The following RSBN1 variants were observed in gnomAD, a reference collection of about 807,000 sequenced individuals.
RSBN1 encodes the protein round spermatid basic protein 1, also known as lysine-specific demethylase 9.
A neutral mutation model predicts 74.8 loss-of-function variants in RSBN1; 23 were observed. That is an observed-to-expected ratio of 0.31 (90% confidence interval 0.22 to 0.44). RSBN1 has a LOEUF of 0.44. RSBN1 is among the 20% of genes least tolerant of loss of function. RSBN1 has a pLI of 1.00. For missense variants in RSBN1, 808 were observed against 1,020.9 expected (o/e 0.79, Z 2.84); for synonymous variants, 407 against 379.6 (o/e 1.07, Z -0.84).
Position 113,797,646 on chromosome 1 carries a change from T to C in RSBN1, c.1094A>G (p.Gln365Arg). The change falls in exon 2 of 7, where the codon CAG becomes CGG. Residue 365 changes from glutamine (Q) to arginine (R), a missense_variant. By Grantham distance (43) the Gln-to-Arg change is conservative. This residue lies in a region of RSBN1 where 85 missense variants were observed against 126.2 expected (regional missense o/e 0.67). Coordinates refer to ENST00000261441, the MANE Select transcript of RSBN1 (RefSeq NM_018364.5). The stretch of plus-strand genomic sequence containing the variant: ...AAGGACAAGAGCACCACCATTGGAC[T>C]GGTGTTCCTCATGAATAAAGTTGCT... Reference protein sequence around the residue: ...KFSNFIHEEHQSNGGALVLHA... With the variant: ...KFSNFIHEEHRSNGGALVLHA... The C allele has an allele frequency of 6.2e-7, 1 of 1,614,094 alleles. No homozygotes were observed. Among genetic ancestry groups the C allele is most frequent in the Non-Finnish European group, 8.5e-7 (1 of 1,180,000 alleles).
At chr1:113,781,111 C>T (rs1660131160) in intron 2 of RSBN1, among the ~76,000 whole-genome samples, 1 of 152,138 alleles carries the variant, frequency 6.6e-6, no homozygotes, top group South Asian at 2.1e-4. Flanking sequence ...TCAAACTATC[C>T]ATCCCACCTC....
chr1:113,774,838 G>A (rs1275899665), intron 4 of RSBN1, among the ~76,000 whole-genome samples: 3 of 152,272 alleles, frequency 2.0e-5, no homozygotes, highest in African/African-American at 4.8e-5. Context: ...CTAGGTGACA[G>A]AGTAAGACCC....
intron 2 of RSBN1, among the ~76,000 whole-genome samples, chr1:113,793,808 C>T (rs1412762695): frequency 6.6e-6 from 1 of 152,014 alleles, no homozygotes; most frequent in Non-Finnish European, 1.5e-5. Context: ...GCTGGGATTA[C>T]AGGCGCCCGC....
At position 113,812,474 on chromosome 1, in the gene RSBN1, A is replaced by C. The variant is rs1317698125; in HGVS notation, c.-62T>G. On this transcript the variant is annotated 5_prime_UTR_variant, in exon 1 of 7. Transcript: ENST00000261441. Reference sequence around the variant, plus strand: ...CTCTCCAACCGAGCTTCTATTGTAAAGCACCCTATGCCGCGCAAAGCGTCA... The same window carrying C: ...CTCTCCAACCGAGCTTCTATTGTAACGCACCCTATGCCGCGCAAAGCGTCA... 6.7e-7 allele frequency: 1 copy of C among 1,484,034 alleles called. No homozygotes were observed. 91.9% of individuals were successfully genotyped at this position (1,484,034 alleles called of 1,614,324 possible). A position where few individuals can be genotyped will look rare whatever the true frequency, so the allele number is the denominator to read the frequency against.
chr1:113,781,809 C>T (rs1660145036), intron 2 of RSBN1, among the ~76,000 whole-genome samples: 1 of 152,196 alleles, frequency 6.6e-6, no homozygotes, highest in Non-Finnish European at 1.5e-5. Context: ...CAAAATCTAT[C>T]CTTCTAACTA....
At chr1:113,777,179 T>C in intron 4 of RSBN1, 31 bp downstream of exon 4, 1 of 1,589,310 alleles carries the variant, frequency 6.3e-7, no homozygotes, top group South Asian at 1.1e-5. Context: ...AAAAAAGTAG[T>C]TTTGCTTATT....
chr1:113,791,858 T>A (rs1660373361), intron 2 of RSBN1, among the ~76,000 whole-genome samples: 1 of 152,214 alleles, frequency 6.6e-6, no homozygotes, highest in Non-Finnish European at 1.5e-5. Context: ...TTTCCCAAGC[T>A]ATATACTACT....
rs982356283 is a variant in RSBN1 at position 113,761,999 on chromosome 1, A to C, written c.*3981T>G. ...GGATTATTCACACAAATTTAGATTT[A>C]AGACTATTCATTAAAAACCTTTTTA... On this transcript the variant is annotated 3_prime_UTR_variant, in exon 7 of 7. Coordinates refer to ENST00000261441, the MANE Select transcript of RSBN1 (RefSeq NM_018364.5). 5 of 152,796 alleles carry C rather than the reference A, an allele frequency of 3.3e-5. No individual in the cohort carries two copies. Among genetic ancestry groups the C allele is most frequent in the African/African-American group, 1.2e-4 (5 of 41,460 alleles). 9.5% of individuals were successfully genotyped at this position (152,796 alleles called of 1,614,324 possible).
chr1:113,781,845 C>A (rs947540428), intron 2 of RSBN1, among the ~76,000 whole-genome samples: 1 of 152,188 alleles, frequency 6.6e-6, no homozygotes, highest in African/African-American at 2.4e-5. Flanking sequence ...TGCCTTAATT[C>A]AGGAAATTAT....
At chr1:113,791,709 A>G (rs964235931) in intron 2 of RSBN1, among the ~76,000 whole-genome samples, 2 of 152,132 alleles carry the variant, frequency 1.3e-5, no homozygotes, top group African/African-American at 4.8e-5. Flanking sequence ...ACTTAAAATA[A>G]GAGGAAAAAA....
rs973578750 is a variant in RSBN1 at position 113,765,433 on chromosome 1, G to C, written c.*547C>G. 1.3e-5 allele frequency: 2 copies of C among 152,728 alleles called. No individual in the cohort carries two copies. The highest frequency in any genetic ancestry group is 4.8e-5 in the African/African-American group (2 of 41,376). The allele number at this position is 152,728 out of a possible 1,614,324, so 9.5% of individuals were successfully genotyped here. On this transcript the variant is annotated 3_prime_UTR_variant, in exon 7 of 7. Coordinates refer to ENST00000261441, the MANE Select transcript of RSBN1 (RefSeq NM_018364.5). The stretch of plus-strand genomic sequence containing the variant: ...CTTTCTCTTTTGTTAAGAAACCAGA[G>C]AGCCACTGAAATTTCCTTGGAAACT...
In RSBN1 at chr1:113,763,168, C is replaced by T. The variant is rs1192367537; in HGVS notation, c.*2812G>A. The T allele has an allele frequency of 6.5e-6, 1 of 152,714 alleles. No homozygotes were observed. The highest frequency in any genetic ancestry group is 1.5e-5 in the Non-Finnish European group (1 of 68,002). 9.5% of individuals were successfully genotyped at this position (152,714 alleles called of 1,614,324 possible). A position where few individuals can be genotyped will look rare whatever the true frequency, so the allele number is the denominator to read the frequency against. On this transcript the variant is annotated 3_prime_UTR_variant, in exon 7 of 7. Coordinates refer to ENST00000261441, the MANE Select transcript of RSBN1 (RefSeq NM_018364.5). ...AATTACTTCTGGGGCAAGAGGAAGA[C>T]TTTTATGCTTTTTAATGAATACCAT... is the stretch of plus-strand genomic sequence containing the variant.
At chr1:113,799,839 A>G (rs1660546532) in intron 1 of RSBN1, among the ~76,000 whole-genome samples, 1 of 152,186 alleles carries the variant, frequency 6.6e-6, no homozygotes, top group East Asian at 1.9e-4. Context: ...AAATATACCT[A>G]GCAGGAAACT....
In RSBN1 at chr1:113,765,725, A is replaced by AT. The variant is rs1310666418; in HGVS notation, c.*254dup. On this transcript the variant is annotated 3_prime_UTR_variant, in exon 7 of 7. Transcript: ENST00000261441. ...CATTTTGATTTGAAGAAGAGATTGAATTGTTACCTCACACCTTAAAACAGA... is the reference window on the plus strand; with the variant it reads ...CATTTTGATTTGAAGAAGAGATTGAATTTGTTACCTCACACCTTAAAACAGA... 4 of 355,416 alleles carry AT rather than the reference A, an allele frequency of 1.1e-5. No homozygotes were observed. The highest frequency in any genetic ancestry group is 2.1e-5 in the African/African-American group (1 of 48,680). The allele number at this position is 355,416 out of a possible 1,614,324, so 22.0% of individuals were successfully genotyped here.
intron 2 of RSBN1, among the ~76,000 whole-genome samples, chr1:113,782,621 C>A (rs1263069021): frequency 6.6e-6 from 1 of 152,154 alleles, no homozygotes; most frequent in Non-Finnish European, 1.5e-5. Flanking sequence ...AAATGCAGAT[C>A]TTCAACATAC....
chr1:113,792,054 C>T (rs1401366428), intron 2 of RSBN1, among the ~76,000 whole-genome samples: 1 of 152,164 alleles, frequency 6.6e-6, no homozygotes, highest in Non-Finnish European at 1.5e-5. Flanking sequence ...AGAACATTAT[C>T]ATTTTATAGA....
At chr1:113,799,002 T>C (rs1390477795) in intron 1 of RSBN1, among the ~76,000 whole-genome samples, 1 of 152,168 alleles carries the variant, frequency 6.6e-6, no homozygotes, top group African/African-American at 2.4e-5. Flanking sequence ...GCACTTATAC[T>C]CTGTGTTATT....
chr1:113,787,550 T>C (rs574542129), intron 2 of RSBN1, among the ~76,000 whole-genome samples: 11 of 152,182 alleles, frequency 7.2e-5, no homozygotes, highest in Non-Finnish European at 1.2e-4. Context: ...TCCTTTTTCC[T>C]CACCTTATTT....
At chr1:113,778,263 C>G (rs1384132418) in intron 2 of RSBN1, among the ~76,000 whole-genome samples, 2 of 151,448 alleles carry the variant, frequency 1.3e-5, no homozygotes, top group Admixed American at 1.3e-4. Flanking sequence ...GGATACGAGG[C>G]TCACTGTTAC....
Sources: gnomAD v4.1 joint callset for allele counts (sites outside exome capture counted in the v4.1 genomes callset) on GRCh38, gnomAD v4.1.1 for gene constraint, gnomAD v4.1.1 regional missense constraint, MANE v1.5 for transcripts, NCBI Gene and HGNC (gene_info 2026-07-23, HGNC 2026-07-21) for gene names.